Variants in PAH observed in about 807,000 individuals in gnomAD.
PAH encodes phenylalanine hydroxylase, also known as phenylalanine-4-hydroxylase.
PAH carries 64 observed loss-of-function variants against 62.0 expected under a neutral mutation model. That is an observed-to-expected ratio of 1.03 (90% confidence interval 0.84 to 1.27). PAH has a LOEUF of 1.27. Ranked by LOEUF, PAH falls within the 50% of genes most tolerant of loss-of-function variation. The pLI, the probability that PAH is intolerant of heterozygous loss-of-function variation, is 0.00. For missense variants in PAH, 579 were observed against 542.8 expected (o/e 1.07, Z -0.66); for synonymous variants, 195 against 196.2 (o/e 0.99, Z 0.05).
chr12:102,917,749 T>C (rs889311702), upstream of PAH: 2 of 154,992 alleles, frequency 1.3e-5, no homozygotes, highest in African/African-American at 4.8e-5. Flanking sequence ...AAAGAGCAAA[T>C]GTAAGAGCGA....
At chr12:102,958,104 T>A (rs567569237) in intron 1 of PAH, 1 of 568,244 alleles carries the variant, frequency 1.8e-6, no homozygotes, top group African/African-American at 2.0e-5. Context: ...TTTTTTAACT[T>A]CCGTCAGGGC....
At chr12:102,903,031 C>T (rs889056793) in intron 2 of PAH, among the ~76,000 whole-genome samples, 3 of 152,172 alleles carry the variant, frequency 2.0e-5, no homozygotes, top group Non-Finnish European at 4.4e-5. Context: ...TGTTTCTTTT[C>T]CTATACCACC....
intron 8 of PAH, among the ~76,000 whole-genome samples, chr12:102,851,130 T>C (rs1466742376): frequency 2.0e-5 from 3 of 152,050 alleles, no homozygotes; most frequent in South Asian, 4.1e-4. Context: ...GAAAGCTTTT[T>C]TTTGAGCTTG....
chr12:102,912,650 C>A, intron 2 of PAH, 141 bp downstream of exon 2: 1 of 694,522 alleles, frequency 1.4e-6, no homozygotes, highest in Non-Finnish European at 2.6e-6. Context: ...TAAGGTCACA[C>A]AGTTGGTTAA....
chr12:102,853,975 A>G (rs1334158467), intron 6 of PAH, among the ~76,000 whole-genome samples: 2 of 152,168 alleles, frequency 1.3e-5, no homozygotes, highest in East Asian at 3.8e-4. Context: ...TGTTCTCTTA[A>G]TTACTATTAT....
intron 11 of PAH, among the ~76,000 whole-genome samples, chr12:102,842,097 G>A (rs968070300): frequency 3.9e-5 from 6 of 152,192 alleles, no homozygotes; most frequent in Admixed American, 3.3e-4. Flanking sequence ...TGACAGGCCT[G>A]TTTCCTGGCA....
At chr12:102,845,393 A>G (rs908380872) in intron 9 of PAH, among the ~76,000 whole-genome samples, 8 of 152,202 alleles carry the variant, frequency 5.3e-5, no homozygotes, top group Non-Finnish European at 1.2e-4. Context: ...CTCATTAGGC[A>G]CAACAGTGGG....
intron 2 of PAH, among the ~76,000 whole-genome samples, chr12:102,906,633 G>A (rs1187271209): frequency 5.9e-5 from 9 of 152,038 alleles, no homozygotes; most frequent in Non-Finnish European, 1.2e-4. Flanking sequence ...AATATTCTGA[G>A]GGCACATTAA....
intron 4 of PAH, among the ~76,000 whole-genome samples, chr12:102,873,540 C>G (rs1277170890): frequency 2.0e-5 from 3 of 152,216 alleles, no homozygotes; most frequent in Non-Finnish European, 4.4e-5. Context: ...GCTCTGGTTG[C>G]TAGAGGGCTA....
At chr12:102,916,820 G>T (rs1472439607) in intron 1 of PAH, among the ~76,000 whole-genome samples, 1 of 152,272 alleles carries the variant, frequency 6.6e-6, no homozygotes, top group East Asian at 1.9e-4. Context: ...CAGTTCTGGA[G>T]GCCAGATCCC....
chr12:102,921,905 T>A (rs1001868220), upstream of PAH, among the ~76,000 whole-genome samples: 1 of 152,154 alleles, frequency 6.6e-6, no homozygotes, highest in Non-Finnish European at 1.5e-5. Context: ...GTATTTTTAT[T>A]TTTTTGCTCC....
intron 1 of PAH, among the ~76,000 whole-genome samples, chr12:102,926,525 A>T (rs1878688946): frequency 6.6e-6 from 1 of 151,994 alleles, no homozygotes; most frequent in African/African-American, 2.4e-5. Flanking sequence ...TAAAAGTATT[A>T]GACTGGTGCA....
upstream of PAH, among the ~76,000 whole-genome samples, chr12:102,952,509 T>C (rs902016755): frequency 1.3e-5 from 2 of 152,208 alleles, no homozygotes; most frequent in African/African-American, 4.8e-5. Context: ...TACAAAAGTT[T>C]AGAATGTATT....
At chr12:102,845,425 T>C (rs1874794638) in intron 9 of PAH, among the ~76,000 whole-genome samples, 1 of 152,224 alleles carries the variant, frequency 6.6e-6, no homozygotes, top group Non-Finnish European at 1.5e-5. Flanking sequence ...TGGGTAGTGA[T>C]AGAATCAGTG....
rs185093034 is a variant in PAH, at chr12:102,856,266, T to C, written c.510-934A>G. On this transcript the variant is annotated intron_variant, in intron 5 of 12. Coordinates refer to ENST00000553106, the MANE Select transcript of PAH (RefSeq NM_000277.3). ...GGAAGGGAAGGCTCACATATCTGGA[T>C]TCTAGTAAGCTCCCCAGGTGACTCT... Among the ~76,000 whole-genome samples the C allele has an allele frequency of 4.1e-3, 621 of 152,174 alleles. 3 individuals are homozygous for C. Among genetic ancestry groups the C allele is most frequent in the Admixed American group, 6.8e-3 (104 of 15,270 alleles).
intron 5 of PAH, among the ~76,000 whole-genome samples, chr12:102,857,625 C>G (rs955471275): frequency 6.6e-6 from 1 of 152,220 alleles, no homozygotes; most frequent in Non-Finnish European, 1.5e-5. Flanking sequence ...CAGCTGATCT[C>G]TCGGCAGAAA....
intron 6 of PAH, among the ~76,000 whole-genome samples, chr12:102,854,239 T>A (rs12298125): frequency 2.0e-5 from 3 of 152,046 alleles, no homozygotes; most frequent in African/African-American, 7.3e-5. Context: ...CTTCCCTTCC[T>A]GCCAAGTAAT....
At chr12:102,853,190 A>G in intron 6 of PAH, 4 of 544,020 alleles carry the variant, frequency 7.4e-6, no homozygotes, top group Non-Finnish European at 1.3e-5. Flanking sequence ...TACTTCTTAG[A>G]AATGTTCCAA....
intron 11 of PAH, among the ~76,000 whole-genome samples, chr12:102,841,250 A>G (rs1292752107): frequency 1.3e-5 from 2 of 152,154 alleles, no homozygotes; most frequent in Non-Finnish European, 2.9e-5. Context: ...TCTGGGAGAA[A>G]TCCACCATGA....
Sources: allele counts gnomAD v4.1 joint callset (sites outside exome capture counted in the v4.1 genomes callset), GRCh38; gene constraint gnomAD v4.1.1; transcripts MANE v1.5; gene names NCBI Gene and HGNC (gene_info 2026-07-23, HGNC 2026-07-21).